COMMD5: variants seen among roughly 807,000 people sequenced by gnomAD.
COMMD5 encodes the protein COMM domain containing 5.
COMMD5 carries 10 observed loss-of-function variants against 6.9 expected under a neutral mutation model. The ratio of observed to expected loss-of-function variants is 1.44; its 90% CI spans 0.89 to 2.45. The LOEUF (loss-of-function observed/expected upper bound fraction) is 2.45, where lower values mean the gene tolerates loss of function less well. COMMD5 is among the 30% of genes most tolerant of loss of function. The pLI is 0.00. For synonymous variants in COMMD5, 127 were observed against 125.3 expected (o/e 1.01, Z -0.09); for missense variants, 234 against 287.8 (o/e 0.81, Z 1.35).
At chr8:144,842,150 A>G in intron 1 of COMMD5, 1 of 1,613,806 alleles carries the variant, frequency 6.2e-7, no homozygotes, top group Non-Finnish European at 8.5e-7. Context: ...CAGCAGTCGC[A>G]GCTGGTTAGA....
intron 1 of COMMD5, chr8:144,842,509 C>T (rs762152302): frequency 1.2e-6 from 2 of 1,614,008 alleles, no homozygotes; most frequent in Non-Finnish European, 1.7e-6. Flanking sequence ...TGGAGAAAAA[C>T]CATTTAAATG....
At chr8:144,844,897 T>C (rs1586852315) in intron 1 of COMMD5, among the ~76,000 whole-genome samples, 2 of 141,292 alleles carry the variant, frequency 1.4e-5, no homozygotes, top group African/African-American at 5.3e-5. Flanking sequence ...GGAGAGGGAG[T>C]GGGGAAAGAG....
At chr8:144,844,585 C>T (rs2722484) in intron 1 of COMMD5, among the ~76,000 whole-genome samples, 6,504 of 151,822 alleles carry the variant, frequency 0.043, 378 homozygotes, top group East Asian at 0.25. Flanking sequence ...TGGCGGGCAC[C>T]TGTAGTCTCA....
downstream of COMMD5, among the ~76,000 whole-genome samples, chr8:144,839,679 C>G (rs770659243): frequency 6.6e-5 from 10 of 152,192 alleles, no homozygotes; most frequent in African/African-American, 1.9e-4. Context: ...GGGATGTAGC[C>G]TCTTAGATAA....
chr8:144,839,380 C>A (rs1209006359), downstream of COMMD5, among the ~76,000 whole-genome samples: 1 of 152,212 alleles, frequency 6.6e-6, no homozygotes, highest in Non-Finnish European at 1.5e-5. Context: ...GCTGGCTACT[C>A]CCATGTGATC....
At chr8:144,840,369 G>A (rs760161024), downstream of COMMD5, among the ~76,000 whole-genome samples, 1 of 152,256 alleles carries the variant, frequency 6.6e-6, no homozygotes, top group Non-Finnish European at 1.5e-5. Flanking sequence ...ATGGTTAGGA[G>A]TGGGCAGGAA....
At chr8:144,841,915 A>C (rs1390975480) in intron 1 of COMMD5, 2 of 1,614,042 alleles carry the variant, frequency 1.2e-6, no homozygotes, top group Non-Finnish European at 1.7e-6. Context: ...TCAGCATCAG[A>C]GAATCCACAC....
exon 2 of COMMD5, chr8:144,841,210 C>A: frequency 1.3e-6 from 1 of 785,924 alleles, no homozygotes; most frequent in East Asian, 2.5e-5. Flanking sequence ...AAAGGCTCTG[C>A]CTTCTCTTGC....
At chr8:144,845,974 T>C, downstream of COMMD5, 1 of 1,535,764 alleles carries the variant, frequency 6.5e-7, no homozygotes, top group Non-Finnish European at 8.7e-7. Context: ...TTTTCTCTAC[T>C]TCAGGCTTTC....
At chr8:144,847,527 A>C (rs1027744089), downstream of COMMD5, 5 of 152,248 alleles carry the variant, frequency 3.3e-5, no homozygotes, top group Non-Finnish European at 7.3e-5. Context: ...ATTGCTTTTT[A>C]TCTCAACTAT....
downstream of COMMD5, chr8:144,845,998 C>T: frequency 6.5e-7 from 1 of 1,536,574 alleles, no homozygotes; most frequent in Non-Finnish European, 8.7e-7. Flanking sequence ...GCCGCCCAAC[C>T]ATGGGACAAG....
downstream of COMMD5, among the ~76,000 whole-genome samples, chr8:144,840,203 A>C (rs897334571): frequency 5.9e-5 from 9 of 152,230 alleles, no homozygotes; most frequent in Non-Finnish European, 8.8e-5. Context: ...GTGCAGGGAA[A>C]GCAGCACATG....
intron 1 of COMMD5, among the ~76,000 whole-genome samples, chr8:144,844,709 C>CAAAA (rs71320849): frequency 1.4e-4 from 12 of 88,634 alleles, no homozygotes; most frequent in African/African-American, 4.2e-4. Flanking sequence ...GACTCTGTAT[C>CAAAA]AAAAAAAAAA....
intron 1 of COMMD5, among the ~76,000 whole-genome samples, chr8:144,844,513 A>AGG (rs1830380972): frequency 6.6e-6 from 1 of 151,804 alleles, no homozygotes; most frequent in African/African-American, 2.4e-5. Flanking sequence ...GATGAAGACC[A>AGG]TCCTGGCTAA....
chr8:144,851,918 G>A (rs1288193117), intron 1 of COMMD5, among the ~76,000 whole-genome samples: 1 of 152,054 alleles, frequency 6.6e-6, no homozygotes, highest in Non-Finnish European at 1.5e-5. Flanking sequence ...CCAGCGGATC[G>A]CTTGAGCCCA....
downstream of COMMD5, among the ~76,000 whole-genome samples, chr8:144,840,242 C>G (rs1335040982): frequency 6.6e-6 from 1 of 152,222 alleles, no homozygotes; most frequent in Non-Finnish European, 1.5e-5. Flanking sequence ...GCCTCCTGTC[C>G]TCACAGGCCT....
intron 1 of COMMD5, among the ~76,000 whole-genome samples, chr8:144,844,682 C>G (rs548510706): frequency 1.5e-5 from 2 of 133,940 alleles, no homozygotes; most frequent in African/African-American, 5.7e-5. Flanking sequence ...GCACTCCAGC[C>G]TGGGTGACAA....
chr8:144,842,159 G>C, intron 1 of COMMD5: 6 of 1,613,594 alleles, frequency 3.7e-6, no homozygotes, highest in Non-Finnish European at 5.1e-6. Context: ...CAGCTGGTTA[G>C]ACACCAGAGA....
intron 1 of COMMD5, among the ~76,000 whole-genome samples, chr8:144,852,050 A>G (rs555059765): frequency 1.3e-5 from 2 of 151,628 alleles, no homozygotes; most frequent in African/African-American, 4.8e-5. Flanking sequence ...GAGAGGACAG[A>G]GGATCCCTTG....
Sources: gnomAD v4.1 joint callset for allele counts (sites outside exome capture counted in the v4.1 genomes callset) on GRCh38, gnomAD v4.1.1 for gene constraint, MANE v1.5 for transcripts, NCBI Gene and HGNC (gene_info 2026-07-23, HGNC 2026-07-21) for gene names.